DCAF5: variants seen among roughly 807,000 people sequenced by gnomAD.
DCAF5 encodes DDB1- and CUL4-associated factor 5.
In DCAF5, 9 loss-of-function variants were observed where a neutral mutation model predicts 80.7. That is an observed-to-expected ratio of 0.11 (90% confidence interval 0.07 to 0.19). The LOEUF is 0.19. Among genes scored for constraint, DCAF5 ranks in the 10% least tolerant of loss-of-function variants. The pLI is 1.00. For missense variants in DCAF5, 842 were observed against 1,205.7 expected (o/e 0.70, Z 4.47); for synonymous variants, 433 against 461.9 (o/e 0.94, Z 0.80).
chr14:69,134,730 T>C (rs549820081), intron 1 of DCAF5, among the ~76,000 whole-genome samples: 130 of 152,326 alleles, frequency 8.5e-4, no homozygotes, highest in African/African-American at 2.9e-3. Context: ...TGAGAAGTCA[T>C]AATACACTTT....
In DCAF5 at chr14:69,105,941, ATAT is replaced by A. The variant is rs1308499847; in HGVS notation, c.665+10422_665+10424del. On this transcript the variant is annotated intron_variant, in intron 5 of 8. Coordinates refer to ENST00000341516, the MANE Select transcript of DCAF5 (RefSeq NM_003861.3). ...TATATATATATATATATATATATAT[ATAT>A]ATCTCCTATTGGTTCTGTTCCTCTG... Among the ~76,000 whole-genome samples, 20 of 102,566 alleles carry A rather than the reference ATAT, an allele frequency of 1.9e-4. 2 individuals carry two copies. Among genetic ancestry groups the A allele is most frequent in the Non-Finnish European group, 3.4e-4 (15 of 43,994 alleles). The allele number at this position is 102,566 out of a possible 152,430, so 67.3% of individuals were successfully genotyped here.
At chr14:69,100,184 T>C (rs2039901364) in intron 5 of DCAF5, among the ~76,000 whole-genome samples, 1 of 152,196 alleles carries the variant, frequency 6.6e-6, no homozygotes, top group Non-Finnish European at 1.5e-5. Flanking sequence ...AGAACTTGGG[T>C]CATTTTTATT....
Position 69,152,648 on chromosome 14 carries a change from G to A in DCAF5, c.214+117C>T. 1 of 714,834 alleles carries A rather than the reference G, an allele frequency of 1.4e-6. No individual in the cohort carries two copies. The highest frequency in any genetic ancestry group is 2.3e-6 in the Non-Finnish European group (1 of 430,984). 44.3% of individuals were successfully genotyped at this position (714,834 alleles called of 1,614,324 possible). A position where few individuals can be genotyped will look rare whatever the true frequency, so the allele number is the denominator to read the frequency against. On this transcript the variant is annotated intron_variant, in intron 1 of 8. Transcript: ENST00000341516. This position sits in a 1 kb window ranked among gnomAD's most constrained non-coding sequence, Gnocchi z 4.1. ...CACCAAACCTTCCCACCGCAGAAGG[G>A]GGTAGAGAAAGGGAGGGGGTGGGGA...
At position 69,054,759 on chromosome 14, in the gene DCAF5, G is replaced by A; in HGVS notation, c.1927C>T (p.Gln643Ter). 6.2e-7 allele frequency: 1 copy of A among 1,614,258 alleles called. No homozygotes were observed. Among genetic ancestry groups the A allele is most frequent in the Non-Finnish European group, 8.5e-7 (1 of 1,180,046 alleles). ...PERSTSTLEI[Q>*]PSRASPTSDI... is the part of the protein sequence containing the mutation. ...GAAGTTGGTGATGCCCGGCTTGGTTGAATCTCTAGCGTGGAAGTGCTCCGC... is the reference window on the plus strand; with the variant it reads ...GAAGTTGGTGATGCCCGGCTTGGTTAAATCTCTAGCGTGGAAGTGCTCCGC... The change falls in exon 9 of 9, where the codon CAA becomes TAA. Residue 643 changes from glutamine to a stop codon, truncating the protein, a stop_gained. Coordinates refer to ENST00000341516, the MANE Select transcript of DCAF5 (RefSeq NM_003861.3). LOFTEE classifies it high-confidence loss of function.
intron 8 of DCAF5, among the ~76,000 whole-genome samples, chr14:69,061,384 T>G (rs2038208790): frequency 6.6e-6 from 1 of 152,172 alleles, no homozygotes; most frequent in African/African-American, 2.4e-5. Flanking sequence ...TCATTTACCG[T>G]GAATTCTCAT....
At chr14:69,143,799 T>C (rs1026726270) in intron 1 of DCAF5, 5 of 152,352 alleles carry the variant, frequency 3.3e-5, no homozygotes, top group Admixed American at 3.3e-4. Context: ...TAACGGATCA[T>C]GGTTATAAAA....
chr14:69,116,933 A>T (rs2040562251), intron 4 of DCAF5, among the ~76,000 whole-genome samples: 2 of 152,044 alleles, frequency 1.3e-5, no homozygotes. Flanking sequence ...GATGAAGATT[A>T]AAAAAAACAA....
chr14:69,101,525 A>C (rs2140003564), intron 5 of DCAF5, among the ~76,000 whole-genome samples: 1 of 152,310 alleles, frequency 6.6e-6, no homozygotes, highest in South Asian at 2.1e-4. Context: ...CTGGAAGAAA[A>C]ACCTAAGCTG....
At chr14:69,083,793 AG>A (rs2039208970) in intron 6 of DCAF5, 1 of 703,534 alleles carries the variant, frequency 1.4e-6, no homozygotes, top group Admixed American at 2.2e-5. Context: ...GGGAATCTGA[AG>A]AAGAAAGTGC....
chr14:69,064,997 A>G (rs1379635461), intron 7 of DCAF5, among the ~76,000 whole-genome samples: 1 of 152,206 alleles, frequency 6.6e-6, no homozygotes, highest in Non-Finnish European at 1.5e-5. Flanking sequence ...ACACAATTAA[A>G]GTAACTATCA....
intron 6 of DCAF5, among the ~76,000 whole-genome samples, chr14:69,076,271 C>A (rs1185776224): frequency 6.6e-6 from 1 of 152,300 alleles, no homozygotes; most frequent in East Asian, 1.9e-4. Context: ...CCACATGATG[C>A]AGCAATTACA....
intron 6 of DCAF5, among the ~76,000 whole-genome samples, chr14:69,076,139 T>C (rs2038889178): frequency 6.7e-6 from 1 of 150,230 alleles, no homozygotes; most frequent in Admixed American, 6.6e-5. Context: ...AATTGACAAG[T>C]ATTGGCAAGG....
intron 7 of DCAF5, among the ~76,000 whole-genome samples, chr14:69,070,816 T>C (rs1291088312): frequency 1.3e-5 from 2 of 151,958 alleles, no homozygotes; most frequent in Non-Finnish European, 2.9e-5. Flanking sequence ...TTTTCTTTTT[T>C]GAGACGGAGT....
chr14:69,141,666 C>T (rs1158728460), intron 1 of DCAF5, among the ~76,000 whole-genome samples: 2 of 152,118 alleles, frequency 1.3e-5, no homozygotes, highest in Non-Finnish European at 2.9e-5. Context: ...TACAAAGGAT[C>T]CCAACAATCA....
chr14:69,075,479 A>G (rs2038864270), intron 6 of DCAF5, 68 bp from the exon 7 acceptor site: 1 of 1,001,782 alleles, frequency 1.0e-6, no homozygotes, highest in South Asian at 2.7e-5. Context: ...ATATGTAACA[A>G]TAAACATATT....
At chr14:69,106,892 A>G (rs1314648112) in intron 5 of DCAF5, among the ~76,000 whole-genome samples, 1 of 151,986 alleles carries the variant, frequency 6.6e-6, no homozygotes, top group East Asian at 1.9e-4. Flanking sequence ...ATACAAAAAA[A>G]TTAACCGGGC....
At chr14:69,108,425 G>A (rs367764688) in intron 5 of DCAF5, among the ~76,000 whole-genome samples, 4 of 152,160 alleles carry the variant, frequency 2.6e-5, no homozygotes, top group Admixed American at 6.5e-5. Flanking sequence ...GAGAAGAGAC[G>A]CAAGCTAAGG....
chr14:69,138,552 G>C (rs1228613077), intron 1 of DCAF5, among the ~76,000 whole-genome samples: 4 of 152,172 alleles, frequency 2.6e-5, no homozygotes, highest in African/African-American at 9.7e-5. Flanking sequence ...CACTTTACTT[G>C]AGCAAGTCCT....
chr14:69,062,525 A>T lies in DCAF5; in HGVS notation c.947-14T>A. The T allele has an allele frequency of 1.2e-6, 2 of 1,610,452 alleles. No individual in the cohort carries two copies. The highest frequency in any genetic ancestry group is 1.3e-5 in the African/African-American group (1 of 74,960). On this transcript the variant is annotated splice_polypyrimidine_tract_variant and intron_variant, in intron 7 of 8. Transcript: ENST00000341516. ...TACCAATGCCACCTGGGAAAACAGA[A>T]GGAAACAAAAATCAGATGATGAAAT...
Sources: gnomAD v4.1 joint callset for allele counts (sites outside exome capture counted in the v4.1 genomes callset) on GRCh38, gnomAD v4.1.1 for gene constraint, Gnocchi (gnomAD v3.1) non-coding constraint, MANE v1.5 for transcripts, NCBI Gene and HGNC (gene_info 2026-07-23, HGNC 2026-07-21) for gene names.